Variants in CENPN observed in about 807,000 individuals in gnomAD.
The protein encoded by CENPN is centromere protein N.
In CENPN, 36 loss-of-function variants were observed where a neutral mutation model predicts 48.6. The observed-to-expected ratio is 0.74, with a 90% CI of 0.57 to 0.98. The LOEUF (loss-of-function observed/expected upper bound fraction) is 0.98. Among genes scored for constraint, CENPN ranks in the 50% least tolerant of loss-of-function variants. CENPN has a pLI of 0.00. For synonymous variants in CENPN, 166 were observed against 135.2 expected (o/e 1.23, Z -1.58); for missense variants, 439 against 399.2 (o/e 1.10, Z -0.85).
chr16:81,025,722 A>G (rs1970438733), intron 8 of CENPN, among the ~76,000 whole-genome samples: 1 of 127,906 alleles, frequency 7.8e-6, no homozygotes, highest in South Asian at 2.3e-4. Flanking sequence ...TTTTTTTTTA[A>G]GACAGAGTCT....
rs1020647072 is a variant in CENPN, at chr16:81,028,829, CCT to C, written c.*185_*186del. On this transcript the variant is annotated 3_prime_UTR_variant, in exon 11 of 11. Transcript: ENST00000305850. ...TGATTCATTCCTCCACGATATGCCT[CCT>C]CTCTCTGATATCCTGCTAACTGTAG... 4 of 1,381,964 alleles carry C rather than the reference CCT, an allele frequency of 2.9e-6. No homozygotes were observed. The highest frequency in any genetic ancestry group is 1.5e-5 in the African/African-American group (1 of 67,356). The allele number at this position is 1,381,964 out of a possible 1,614,324, so 85.6% of individuals were successfully genotyped here.
chr16:81,009,215 T>TA (rs1162007116), intron 1 of CENPN, among the ~76,000 whole-genome samples: 3 of 151,778 alleles, frequency 2.0e-5, no homozygotes, highest in African/African-American at 4.8e-5. Flanking sequence ...AGATTCCGTC[T>TA]AAAAAAAAGG....
chr16:81,020,005 G>A, intron 5 of CENPN, 95 bp from the exon 6 acceptor site: 2 of 1,022,236 alleles, frequency 2.0e-6, no homozygotes, highest in Non-Finnish European at 2.8e-6. Context: ...AAGAGTATAG[G>A]GACATCATTG....
chr16:81,008,914 T>C (rs967718736), intron 1 of CENPN, among the ~76,000 whole-genome samples: 10 of 152,200 alleles, frequency 6.6e-5, no homozygotes, highest in African/African-American at 2.4e-4. Flanking sequence ...TAAAGACAAT[T>C]AGCAGTGGAT....
intron 8 of CENPN, among the ~76,000 whole-genome samples, chr16:81,026,065 A>ATGTGTGTGTGTGTGTG (rs1205146918): frequency 1.9e-5 from 1 of 51,462 alleles, no homozygotes; most frequent in African/African-American, 4.2e-5. Context: ...ATATATATAT[A>ATGTGTGTGTGTGTGTG]TATATGTGTG....
intron 8 of CENPN, among the ~76,000 whole-genome samples, chr16:81,026,095 A>G (rs1970462895): frequency 1.1e-5 from 1 of 94,894 alleles, no homozygotes. Flanking sequence ...GTGTGTATAT[A>G]TATGTGTGTG....
chr16:81,009,712 C>G (rs971162418), intron 1 of CENPN, among the ~76,000 whole-genome samples: 1 of 152,120 alleles, frequency 6.6e-6, no homozygotes, highest in Non-Finnish European at 1.5e-5. Flanking sequence ...TTTCAGTGTT[C>G]AACAAATAAG....
intron 5 of CENPN, among the ~76,000 whole-genome samples, chr16:81,018,994 A>T (rs957881482): frequency 6.6e-6 from 1 of 152,208 alleles, no homozygotes; most frequent in African/African-American, 2.4e-5. Context: ...CCAATTGGCA[A>T]CCATATTTAA....
chr16:81,020,422 C>A, intron 6 of CENPN, 146 bp downstream of exon 6: 2 of 747,088 alleles, frequency 2.7e-6, no homozygotes, highest in Non-Finnish European at 1.9e-6. Flanking sequence ...ACTTGGGAGG[C>A]TGAAGTGGGA....
At chr16:81,014,280 G>T (rs1008334430) in intron 3 of CENPN, 99 bp downstream of exon 3, 2 of 991,010 alleles carry the variant, frequency 2.0e-6, no homozygotes, top group Non-Finnish European at 3.2e-6. Context: ...TGTCGCCCAG[G>T]CTGGAGTGCA....
At chr16:81,026,177 ATG>A (rs985581890) in intron 8 of CENPN, among the ~76,000 whole-genome samples, 14 of 146,200 alleles carry the variant, frequency 9.6e-5, no homozygotes, top group Non-Finnish European at 1.6e-4. Context: ...GTGTATATAT[ATG>A]TGTGTGTATA....
chr16:81,016,010 A>G (rs986155334), intron 3 of CENPN, among the ~76,000 whole-genome samples: 3 of 151,700 alleles, frequency 2.0e-5, no homozygotes, highest in African/African-American at 7.3e-5. Context: ...TCTCAAAAAA[A>G]AAAAGGAAAA....
At chr16:81,020,690 C>T (rs543177851) in intron 6 of CENPN, among the ~76,000 whole-genome samples, 3 of 152,274 alleles carry the variant, frequency 2.0e-5, no homozygotes, top group South Asian at 4.1e-4. Flanking sequence ...ACAGAAGTCT[C>T]TAAAGATAAA....
At chr16:81,007,616 C>G (rs866050033) in intron 1 of CENPN, among the ~76,000 whole-genome samples, 34 of 152,184 alleles carry the variant, frequency 2.2e-4, no homozygotes, top group African/African-American at 7.7e-4. Flanking sequence ...TGGGGTTTTG[C>G]TTTTCTGTCA....
chr16:81,023,016 ATAT>A, intron 7 of CENPN: 1 of 792,920 alleles, frequency 1.3e-6, no homozygotes, highest in Non-Finnish European at 1.9e-6. Context: ...GAAGCTAAAT[ATAT>A]TATTCTATGA....
Position 81,020,239 on chromosome 16 carries a change from C to T in CENPN, c.494C>T (p.Ser165Phe). The T allele has an allele frequency of 6.2e-7, 1 of 1,613,890 alleles. No individual in the cohort carries two copies. Among genetic ancestry groups the T allele is most frequent in the Non-Finnish European group, 8.5e-7 (1 of 1,179,924 alleles). ...YSQTPYAFTS[S>F]SMLRRNTPLL... ...CAGACTCCGTACGCCTTCACGTCCT[C>T]CTCCATGCTGAGGCGCAATACACCG... The change falls in exon 6 of 11, where the codon TCC (serine) becomes TTC (phenylalanine). Residue 165 changes from serine (S) to phenylalanine (F), a missense_variant. By Grantham distance (155) the Ser-to-Phe change is radical (BLOSUM62 -2). Transcript: ENST00000305850.
At chr16:81,009,964 C>T (rs1019119607) in intron 1 of CENPN, among the ~76,000 whole-genome samples, 1 of 152,162 alleles carries the variant, frequency 6.6e-6, no homozygotes, top group African/African-American at 2.4e-5. Context: ...TTCAGGAGGC[C>T]GAGGAGGGCA....
At chr16:81,020,479 C>A in intron 6 of CENPN, 1 of 432,616 alleles carries the variant, frequency 2.3e-6, no homozygotes, top group Non-Finnish European at 4.0e-6. Flanking sequence ...GCTGCGATCA[C>A]AAGACAAAGC....
chr16:81,023,666 A>G (rs1229232032), intron 7 of CENPN: 1 of 152,084 alleles, frequency 6.6e-6, no homozygotes, highest in Non-Finnish European at 1.5e-5. Context: ...GCCAGGCACC[A>G]TGGCTCATGC....
Sources: gnomAD v4.1 joint callset for allele counts (sites outside exome capture counted in the v4.1 genomes callset) on GRCh38, gnomAD v4.1.1 for gene constraint, MANE v1.5 for transcripts, NCBI Gene and HGNC (gene_info 2026-07-23, HGNC 2026-07-21) for gene names.